The following LRRC37A variants were observed in gnomAD, a reference collection of about 807,000 sequenced individuals.
The protein encoded by LRRC37A is leucine-rich repeat-containing protein 37A.
LRRC37A carries 3 observed loss-of-function variants against 35.4 expected under a neutral mutation model. That is an observed-to-expected ratio of 0.08 (90% CI 0.04 to 0.22). The LOEUF is 0.22. Ranked by LOEUF, LRRC37A falls within the 10% of genes least tolerant of loss-of-function variation. The pLI, the probability that LRRC37A is intolerant of heterozygous loss-of-function variation, is 1.00. For missense variants in LRRC37A, 67 were observed against 565.3 expected (o/e 0.12, Z 8.94); for synonymous variants, 23 against 215.0 (o/e 0.11, Z 7.81).
chr17:46,249,970 A>T, the LRRC37A span, among the ~76,000 whole-genome samples: 1 of 152,234 alleles, frequency 6.6e-6, no homozygotes, highest in East Asian at 1.9e-4. Flanking sequence ...ATGCCCGACT[A>T]GTTCTTTATA....
At chr17:46,256,844 A>G in the LRRC37A span, among the ~76,000 whole-genome samples, 3 of 152,158 alleles carry the variant, frequency 2.0e-5, no homozygotes, top group Admixed American at 6.5e-5. Flanking sequence ...GAGTGTCCCT[A>G]TGAGGCACAG....
the LRRC37A span, among the ~76,000 whole-genome samples, chr17:46,273,766 A>G: frequency 2.0e-5 from 3 of 152,266 alleles, no homozygotes; most frequent in African/African-American, 7.2e-5. Flanking sequence ...TTTTCTTCCT[A>G]CTGCTTACAC....
chr17:46,252,898 CGG>C, the LRRC37A span, among the ~76,000 whole-genome samples: 2 of 149,622 alleles, frequency 1.3e-5, no homozygotes, highest in African/African-American at 2.4e-5. Flanking sequence ...GTACACCTCC[CGG>C]ACGGGGCGGC....
chr17:46,261,239 C>T, the LRRC37A span, among the ~76,000 whole-genome samples: 2 of 152,116 alleles, frequency 1.3e-5, no homozygotes, highest in Admixed American at 6.5e-5. Flanking sequence ...AAAAAGAGTT[C>T]GGTCTTTCTG....
chr17:46,258,505 G>A, the LRRC37A span, among the ~76,000 whole-genome samples: 2 of 152,102 alleles, frequency 1.3e-5, no homozygotes, highest in Non-Finnish European at 2.9e-5. Flanking sequence ...CACCACGCCT[G>A]GCCGAAAAAG....
the LRRC37A span, chr17:46,268,438 C>G: frequency 2.6e-6 from 3 of 1,164,964 alleles, no homozygotes; most frequent in South Asian, 4.7e-5. Flanking sequence ...TCTTAAAGGC[C>G]TTATATTTTC....
chr17:46,333,772 C>T (rs546640166), intron 10 of LRRC37A, among the ~76,000 whole-genome samples: 7 of 66,774 alleles, frequency 1.0e-4, no homozygotes, highest in African/African-American at 2.4e-4. Context: ...GAGCCTGGTC[C>T]CTTTGTGAGA....
chr17:46,284,517 C>T, the LRRC37A span, among the ~76,000 whole-genome samples: 1 of 152,240 alleles, frequency 6.6e-6, no homozygotes, highest in Admixed American at 6.5e-5. Context: ...AAAATGGAGT[C>T]TCCTATGTCT....
chr17:46,258,305 G>A, the LRRC37A span, among the ~76,000 whole-genome samples: 1 of 151,904 alleles, frequency 6.6e-6, no homozygotes, highest in African/African-American at 2.4e-5. Context: ...CTGCCTCCTG[G>A]GTTCAAGTGA....
chr17:46,260,472 C>G, the LRRC37A span: 2 of 1,587,372 alleles, frequency 1.3e-6, no homozygotes, highest in Admixed American at 1.8e-5. Flanking sequence ...GGGCTGCCCA[C>G]CCAGCCTGGG....
chr17:46,272,669 G>A, the LRRC37A span, among the ~76,000 whole-genome samples: 2 of 152,218 alleles, frequency 1.3e-5, no homozygotes, highest in African/African-American at 2.4e-5. Context: ...CCCTGCCTCG[G>A]CCTCCCAAAG....
At chr17:46,266,409 G>A in the LRRC37A span, among the ~76,000 whole-genome samples, 15,215 of 143,242 alleles carry the variant, frequency 0.11, 1 homozygote, top group Middle Eastern at 0.18. Context: ...GGACAACTTT[G>A]CGAGGCCATG....
the LRRC37A span, chr17:46,275,501 T>C: frequency 1.6e-6 from 1 of 637,296 alleles, no homozygotes; most frequent in Non-Finnish European, 2.7e-6. Context: ...AGTAAATAAA[T>C]CTGGAAGAAG....
the LRRC37A span, chr17:46,259,461 C>T: frequency 1.5e-5 from 21 of 1,400,994 alleles, no homozygotes; most frequent in African/African-American, 3.0e-4. Flanking sequence ...CTTTGGGGGT[C>T]AGATAGTGGC....
the LRRC37A span, among the ~76,000 whole-genome samples, chr17:46,274,009 C>T: frequency 6.6e-6 from 1 of 152,196 alleles, no homozygotes; most frequent in Non-Finnish European, 1.5e-5. Context: ...AGGATTAGCA[C>T]CCCTGAAGAT....
chr17:46,258,172 G>C, the LRRC37A span, among the ~76,000 whole-genome samples: 2 of 152,130 alleles, frequency 1.3e-5, no homozygotes, highest in African/African-American at 4.8e-5. Flanking sequence ...AACACACACA[G>C]CCCAGGTAAG....
At chr17:46,279,484 T>A in the LRRC37A span, among the ~76,000 whole-genome samples, 1 of 148,982 alleles carries the variant, frequency 6.7e-6, no homozygotes, top group Non-Finnish European at 1.5e-5. Flanking sequence ...GCACCTGGCC[T>A]TTTTTTTCTT....
At chr17:46,259,019 A>ATGTTTTTTTTTTTTTTTT in the LRRC37A span, among the ~76,000 whole-genome samples, 1 of 79,468 alleles carries the variant, frequency 1.3e-5, no homozygotes, top group Non-Finnish European at 2.2e-5. Flanking sequence ...CACCCGGCCT[A>ATGTTTTTTTTTTTTTTTT]TTTTTTTTTT....
chr17:46,253,342 G>C, the LRRC37A span, among the ~76,000 whole-genome samples: 1 of 152,066 alleles, frequency 6.6e-6, no homozygotes, highest in Admixed American at 6.6e-5. Flanking sequence ...CTTCCCAGAC[G>C]GGGTGGCGGC....
Sources: allele counts gnomAD v4.1 joint callset (sites outside exome capture counted in the v4.1 genomes callset), GRCh38; gene constraint gnomAD v4.1.1; transcripts MANE v1.5; gene names NCBI Gene and HGNC (gene_info 2026-07-23, HGNC 2026-07-21).